FTSJ3: variants seen among roughly 807,000 people sequenced by gnomAD.
FTSJ3 encodes the protein FtsJ RNA 2'-O-methyltransferase 3.
In FTSJ3, 46 loss-of-function variants were observed where a neutral mutation model predicts 111.5. The ratio of observed to expected loss-of-function variants is 0.41; its 90% CI spans 0.33 to 0.53. The LOEUF is 0.53. FTSJ3 is among the 20% of genes least tolerant of loss of function. The pLI is 0.19. For missense variants in FTSJ3, 1,075 were observed against 1,063.8 expected (o/e 1.01, Z -0.15); for synonymous variants, 408 against 383.0 (o/e 1.07, Z -0.76).
In FTSJ3 at chr17:63,827,636, A is replaced by G; in HGVS notation, c.-611T>C. The G allele has an allele frequency of 1.3e-6, 2 of 1,523,276 alleles. No homozygotes were observed. The highest frequency in any genetic ancestry group is 1.8e-6 in the Non-Finnish European group (2 of 1,131,428). The allele number at this position is 1,523,276 out of a possible 1,614,324, so 94.4% of individuals were successfully genotyped here. ...GGGTCGGAGGTGCCTGGACCAGTCC[A>G]TGCTGGACGCTGCCTGCGACCGGAT... On this transcript the variant is annotated 5_prime_UTR_variant, in exon 1 of 21. An upstream start codon of the reference 5' UTR is lost. Transcript: ENST00000427159.
At chr17:63,820,201 TTCCCCA>T in intron 19 of FTSJ3, 28 bp from the exon 20 acceptor site, 1 of 1,607,190 alleles carries the variant, frequency 6.2e-7, no homozygotes, top group Non-Finnish European at 8.5e-7. Flanking sequence ...AGGTGACCTC[TTCCCCA>T]TCCCCCCACC....
chr17:63,821,151 C>CTCTG (rs1567751548), intron 16 of FTSJ3, 36 bp from the exon 17 acceptor site: 1 of 1,601,848 alleles, frequency 6.2e-7, no homozygotes, highest in African/African-American at 1.3e-5. Context: ...GATTCCACCA[C>CTCTG]TCTGTACTAC....
chr17:63,820,833 C>T lies in FTSJ3; in HGVS notation c.2072+6G>A. On this transcript the variant is annotated splice_donor_region_variant and intron_variant, in intron 18 of 20. Transcript: ENST00000427159. ...GTCACTCTTGATGAGTTTATGGCCC[C>T]TTTACCGGTTGAAGGAGTTATCTAT... 1 of 1,607,000 alleles carries T rather than the reference C, an allele frequency of 6.2e-7. No individual in the cohort carries two copies.
rs1042298192 is a variant in FTSJ3 at position 63,823,160 on chromosome 17, C to T, written c.1290+657G>A. On this transcript the variant is annotated intron_variant, in intron 13 of 20. Coordinates refer to ENST00000427159, the MANE Select transcript of FTSJ3 (RefSeq NM_017647.4). ...AGTATTCAGTGGAAGTACCCTAATG[C>T]GAGTGCTCACTTGGTCTCAATGAAC... 3.3e-5 allele frequency among the ~76,000 whole-genome samples: 5 copies of T among 152,314 alleles called. No individual in the cohort carries two copies. The East Asian group carries it at 7.7e-4, about 23-fold the overall frequency.
chr17:63,820,939 C>A lies in FTSJ3; in HGVS notation c.1973-1G>T. The A allele has an allele frequency of 6.2e-7, 1 of 1,613,982 alleles. No individual in the cohort carries two copies. The highest frequency in any genetic ancestry group is 8.5e-7 in the Non-Finnish European group (1 of 1,179,858). ...TCGGGGTCCAGTATCCGATGTTTCG[C>A]TAGAGAGGGAAGGAGAAAGGTCAAA... On this transcript the variant is annotated splice_acceptor_variant, in intron 17 of 20. Coordinates refer to ENST00000427159, the MANE Select transcript of FTSJ3 (RefSeq NM_017647.4). LOFTEE classifies it high-confidence loss of function.
chr17:63,824,064 T>A lies in FTSJ3; in HGVS notation c.1154+20A>T, dbSNP rs1409032492. The stretch of plus-strand genomic sequence containing the variant: ...GTCCCTGCGTTGGGGAACTCCAAGC[T>A]CTACCCCAGCTCCTTTCACCTCTTC... On this transcript the variant is annotated intron_variant, in intron 12 of 20. Transcript: ENST00000427159. 2 of 1,614,104 alleles carry A rather than the reference T, an allele frequency of 1.2e-6. No homozygotes were observed. Among genetic ancestry groups the A allele is most frequent in the Non-Finnish European group, 1.7e-6 (2 of 1,179,966 alleles).
intron 20 of FTSJ3, 21 bp downstream of exon 20, chr17:63,820,058 T>C: frequency 6.2e-7 from 1 of 1,614,106 alleles, no homozygotes; most frequent in Non-Finnish European, 8.5e-7. Flanking sequence ...CCTGTGTACC[T>C]TTGTGGTGTC....
Position 63,827,554 on chromosome 17 carries a change from T to C in FTSJ3, c.-529A>G. ...GTGGCGGCCCGGCAGGTTACGGGGC[T>C]GGGTGCGGAGCGAGCGTGATCTGAG... On this transcript the variant is annotated 5_prime_UTR_variant, in exon 1 of 21. Transcript: ENST00000427159. The C allele has an allele frequency of 1.3e-6, 2 of 1,550,916 alleles. No homozygotes were observed. The highest frequency in any genetic ancestry group is 1.7e-6 in the Non-Finnish European group (2 of 1,146,850).
chr17:63,824,220 C>T lies in FTSJ3; in HGVS notation c.1018G>A (p.Asp340Asn). 1.2e-6 allele frequency: 2 copies of T among 1,614,166 alleles called. No individual in the cohort carries two copies. The highest frequency in any genetic ancestry group is 1.1e-5 in the South Asian group (1 of 91,086). Residue 340 changes from aspartate (D) to asparagine (N), a missense_variant, in exon 12 of 21, where the codon GAT becomes AAT. Asp to Asn is a conservative substitution (Grantham distance 23, BLOSUM62 1). Around this residue, in one of 2 missense-constraint regions of FTSJ3, gnomAD observed 867 missense variants for 796.9 expected, o/e 1.09. Coordinates refer to ENST00000427159, the MANE Select transcript of FTSJ3 (RefSeq NM_017647.4). The stretch of plus-strand genomic sequence containing the variant: ...GTTGAGTCCTCCTCATCACCTTCAT[C>T]TTCCTCTCCAGAGCTGAGGCTGGCA... ...LDISLSSGEE[D>N]EGDEEDSTAG...
chr17:63,822,706 C>T (rs2040062599), intron 13 of FTSJ3, among the ~76,000 whole-genome samples: 1 of 152,126 alleles, frequency 6.6e-6, no homozygotes, highest in Non-Finnish European at 1.5e-5. Flanking sequence ...AGGAGGATTG[C>T]TTGATGCCAG....
chr17:63,823,743 TCAA>T (rs2040071162), intron 13 of FTSJ3, 71 bp downstream of exon 13: 1 of 1,538,946 alleles, frequency 6.5e-7, no homozygotes, highest in Admixed American at 1.9e-5. Context: ...AAAAAGACAT[TCAA>T]CACCCCCCAC....
In FTSJ3 at chr17:63,819,836, C is replaced by T. The variant is rs144046237; in HGVS notation, c.2510G>A (p.Arg837His). 30 of 1,613,714 alleles carry T rather than the reference C, an allele frequency of 1.9e-5. No individual in the cohort carries two copies. The Middle Eastern group carries it at 4.9e-4, about 27-fold the overall frequency. Residue 837 changes from arginine to histidine, a missense_variant, in exon 21 of 21, where the codon CGT (arginine) becomes CAT (histidine). Around this residue, in one of 2 missense-constraint regions of FTSJ3, gnomAD observed 867 missense variants for 796.9 expected, o/e 1.09. Transcript: ENST00000427159. ...TTTGTGTTTTTTCTTTTGTTCCTTA[C>T]GTTGCTGTGCTCTTTGGTCCTTCTT... ...RMKKDQRAQQ[R>H]KEQKKKHKRK
Position 63,821,471 on chromosome 17 carries a change from T to A in FTSJ3, c.1769A>T (p.Glu590Val), listed in dbSNP as rs766927309. Reference sequence around the variant, plus strand: ...AGAAGCCTCTGTTCCCTTAGGGGCTTCATCTTGGTACAGGGGAGACATTAT... The same window carrying A: ...AGAAGCCTCTGTTCCCTTAGGGGCTACATCTTGGTACAGGGGAGACATTAT... ...TEIMSPLYQD[E>V]APKGTEASSG... Residue 590 changes from glutamate (E) to valine (V), a missense_variant, in exon 16 of 21, where the codon GAA becomes GTA. By Grantham distance (121) the Glu-to-Val change is moderately radical. Coordinates refer to ENST00000427159, the MANE Select transcript of FTSJ3 (RefSeq NM_017647.4). 6.2e-7 allele frequency: 1 copy of A among 1,614,170 alleles called. No homozygotes were observed. The highest frequency in any genetic ancestry group is 1.1e-5 in the South Asian group (1 of 91,082).
At chr17:63,823,987 A>G (rs367684405) in intron 12 of FTSJ3, 35 bp from the exon 13 acceptor site, 161 of 1,613,892 alleles carry the variant, frequency 1.0e-4, no homozygotes, top group Middle Eastern at 3.3e-4. Flanking sequence ...AAACCGGCCC[A>G]GCTCCAAAGT....
chr17:63,823,721 G>A (rs978540020), intron 13 of FTSJ3, 96 bp downstream of exon 13: 5 of 1,401,146 alleles, frequency 3.6e-6, no homozygotes, highest in East Asian at 2.3e-5. Flanking sequence ...ACAGCCTATC[G>A]TTCGGCAACC....
rs760501402 is a variant in FTSJ3, at chr17:63,821,859, A to G, written c.1476-16T>C. 1.2e-6 allele frequency: 2 copies of G among 1,614,008 alleles called. No individual in the cohort carries two copies. Among genetic ancestry groups the G allele is most frequent in the South Asian group, 2.2e-5 (2 of 91,072 alleles). Reference sequence around the variant, plus strand: ...AAGTCGCATACTGTAGACCCAAAGGAAAGTAGGGGGCTCAGAGACCCAGAT... The same window carrying G: ...AAGTCGCATACTGTAGACCCAAAGGGAAGTAGGGGGCTCAGAGACCCAGAT... On this transcript the variant is annotated splice_polypyrimidine_tract_variant and intron_variant, in intron 14 of 20. Transcript: ENST00000427159.
Position 63,819,692 on chromosome 17 carries a change from A to C in FTSJ3, c.*110T>G. On this transcript the variant is annotated 3_prime_UTR_variant, in exon 21 of 21. Coordinates refer to ENST00000427159, the MANE Select transcript of FTSJ3 (RefSeq NM_017647.4). ...GGCACTCCACCTCACTGTTCTTCAG[A>C]CAGCTGTGATGTGAGCAGGGGCTAG... The C allele has an allele frequency of 9.8e-7, 1 of 1,015,292 alleles. No individual in the cohort carries two copies. Among genetic ancestry groups the C allele is most frequent in the Non-Finnish European group, 1.4e-6 (1 of 690,784 alleles). The allele number at this position is 1,015,292 out of a possible 1,614,324, so 62.9% of individuals were successfully genotyped here.
Position 63,824,840 on chromosome 17 carries a change from G to C in FTSJ3, c.801C>G (p.Leu267=). The part of the protein sequence containing the change: ...FLRAANPVDF[L]SKASEIMVDD... Reference sequence around the variant, plus strand: ...GGAGACTCACTTCGCTGGCCTTGGAGAGGAAGTCAACAGGGTTGGCAGCTC... The same window carrying C: ...GGAGACTCACTTCGCTGGCCTTGGACAGGAAGTCAACAGGGTTGGCAGCTC... Residue 267 remains leucine (L), a synonymous_variant, in exon 9 of 21, where the codon CTC becomes CTG. Transcript: ENST00000427159. 2 of 1,609,540 alleles carry C rather than the reference G, an allele frequency of 1.2e-6. No individual in the cohort carries two copies. The highest frequency in any genetic ancestry group is 1.7e-6 in the Non-Finnish European group (2 of 1,177,050).
In FTSJ3 at chr17:63,826,554, G is replaced by A. The variant is rs757981132; in HGVS notation, c.173+13C>T. On this transcript the variant is annotated intron_variant, in intron 3 of 20. Coordinates refer to ENST00000427159, the MANE Select transcript of FTSJ3 (RefSeq NM_017647.4). ...GCGGCCACCAGGAGCAACCTGTGGC[G>A]AGTGTTACGAACCATCCCCCTGGCG... The A allele has an allele frequency of 5.6e-6, 9 of 1,603,844 alleles. No individual in the cohort carries two copies. The highest frequency in any genetic ancestry group is 1.7e-5 in the Admixed American group (1 of 59,986).
Sources: gnomAD v4.1 joint callset for allele counts (sites outside exome capture counted in the v4.1 genomes callset) on GRCh38, gnomAD v4.1.1 for gene constraint, gnomAD v4.1.1 regional missense constraint, MANE v1.5 for transcripts, NCBI Gene and HGNC (gene_info 2026-07-23, HGNC 2026-07-21) for gene names.